GRIK4: variants seen among roughly 807,000 people sequenced by gnomAD.
The protein encoded by GRIK4 is glutamate ionotropic receptor kainate type subunit 4, also known as glutamate receptor ionotropic, kainate 4.
In GRIK4, 40 loss-of-function variants were observed where a neutral mutation model predicts 104.9. The ratio of observed to expected loss-of-function variants is 0.38; its 90% CI spans 0.30 to 0.50. The LOEUF (loss-of-function observed/expected upper bound fraction) is 0.50. Ranked by LOEUF, GRIK4 falls within the 20% of genes least tolerant of loss-of-function variation. The probability of loss-of-function intolerance (pLI) is 0.93; values close to 1 mark genes in which losing one functional copy is unlikely to be tolerated. For synonymous variants in GRIK4, 485 were observed against 524.9 expected (o/e 0.92, Z 1.04); for missense variants, 1,047 against 1,308.1 (o/e 0.80, Z 3.08).
In GRIK4 at chr11:120,819,377, A is replaced by G. The variant is rs57940959; in HGVS notation, c.346-378A>G. Among the ~76,000 whole-genome samples, 8,082 of 152,282 alleles carry G rather than the reference A, an allele frequency of 0.053. 720 individuals are homozygous for G. Among genetic ancestry groups the G allele is most frequent in the African/African-American group, 0.18 (7,520 of 41,528 alleles). On this transcript the variant is annotated intron_variant, in intron 5 of 20. Coordinates refer to ENST00000527524, the MANE Select transcript of GRIK4 (RefSeq NM_014619.5). This position sits in a 1 kb window ranked among gnomAD's most constrained non-coding sequence, Gnocchi z 4.3. ...CTGCTCTGATGTATTAACTACAAAT[A>G]AAATATTCTAAGGATTATGCTTTCA...
At chr11:120,617,288 T>A (rs1222563446) in intron 1 of GRIK4, among the ~76,000 whole-genome samples, 1 of 152,246 alleles carries the variant, frequency 6.6e-6, no homozygotes, top group Non-Finnish European at 1.5e-5. Context: ...AGGTGGTTAA[T>A]AAATAATGGT....
chr11:120,527,519 G>A (rs1218634488), intron 1 of GRIK4, among the ~76,000 whole-genome samples: 1 of 152,210 alleles, frequency 6.6e-6, no homozygotes, highest in Non-Finnish European at 1.5e-5. Flanking sequence ...CCTGGAGCCC[G>A]TGCTGGGGAT....
intron 3 of GRIK4, among the ~76,000 whole-genome samples, chr11:120,776,927 A>T (rs111484855): frequency 4.6e-5 from 7 of 152,114 alleles, no homozygotes; most frequent in African/African-American, 1.2e-4. Flanking sequence ...GCAACATCCC[A>T]TGATTTCTGC....
At chr11:120,667,507 C>T (rs1487104184) in intron 3 of GRIK4, among the ~76,000 whole-genome samples, 1 of 152,256 alleles carries the variant, frequency 6.6e-6, no homozygotes. Flanking sequence ...CACAGCCTCG[C>T]GGCTCGTCAG....
In GRIK4 at chr11:120,967,350, C is replaced by G; in HGVS notation, c.2395+27C>G. The stretch of plus-strand genomic sequence containing the variant: ...TAAGGACGTTCAGGGCCATCCTCCT[C>G]CTGCCCTAGAGGACCAAAGTAGCTT... On this transcript the variant is annotated intron_variant, in intron 19 of 20. Coordinates refer to ENST00000527524, the MANE Select transcript of GRIK4 (RefSeq NM_014619.5). This position sits in a 1 kb window ranked among gnomAD's most constrained non-coding sequence, Gnocchi z 4.2. 1 of 1,597,734 alleles carries G rather than the reference C, an allele frequency of 6.3e-7. No individual in the cohort carries two copies. Among genetic ancestry groups the G allele is most frequent in the Non-Finnish European group, 8.5e-7 (1 of 1,171,956 alleles).
chr11:120,886,457 G>A (rs758921646), intron 11 of GRIK4, among the ~76,000 whole-genome samples: 7 of 152,300 alleles, frequency 4.6e-5, no homozygotes, highest in Middle Eastern at 3.4e-3. Flanking sequence ...CTGAGTGAGC[G>A]TGCTGTTGTT....
intron 7 of GRIK4, among the ~76,000 whole-genome samples, chr11:120,834,354 T>C (rs4936559): frequency 0.32 from 48,541 of 151,458 alleles, 8,636 homozygotes; most frequent in East Asian, 0.49. Flanking sequence ...TATTAGCAAA[T>C]GGTTCTGCTC....
intron 3 of GRIK4, among the ~76,000 whole-genome samples, chr11:120,734,772 T>A (rs1951193359): frequency 6.6e-6 from 1 of 152,188 alleles, no homozygotes; most frequent in South Asian, 2.1e-4. Context: ...GTCTTCAGGC[T>A]CACTAATTCC....
chr11:120,626,144 G>A (rs1206855519), intron 1 of GRIK4, among the ~76,000 whole-genome samples: 1 of 152,168 alleles, frequency 6.6e-6, no homozygotes, highest in Non-Finnish European at 1.5e-5. Context: ...TTGATTTGGG[G>A]AGTCACATAA....
At chr11:120,668,785 C>T (rs1949966065) in intron 3 of GRIK4, among the ~76,000 whole-genome samples, 1 of 152,184 alleles carries the variant, frequency 6.6e-6, no homozygotes, top group Non-Finnish European at 1.5e-5. Context: ...CTGAGCTCCA[C>T]CCTTTACTAG....
chr11:120,512,372 C>T (rs947895918), intron 1 of GRIK4, among the ~76,000 whole-genome samples: 4 of 151,826 alleles, frequency 2.6e-5, no homozygotes, highest in Non-Finnish European at 4.4e-5. Flanking sequence ...CTGCAGCCCC[C>T]CATCCCGGCT....
In GRIK4 at chr11:120,946,395, G is replaced by A. The variant is rs566370062; in HGVS notation, c.1590+5935G>A. 2.7e-3 allele frequency among the ~76,000 whole-genome samples: 412 copies of A among 152,252 alleles called. 5 individuals carry two copies. Among genetic ancestry groups the A allele is most frequent in the African/African-American group, 9.4e-3 (392 of 41,552 alleles). Reference sequence around the variant, plus strand: ...GTTCGTTGTTGCTGGGTGCAGTGGCGCATGCCTGTAATCCCAGCCACTTTG... The same window carrying A: ...GTTCGTTGTTGCTGGGTGCAGTGGCACATGCCTGTAATCCCAGCCACTTTG... On this transcript the variant is annotated intron_variant, in intron 14 of 20. Transcript: ENST00000527524.
intron 1 of GRIK4, among the ~76,000 whole-genome samples, chr11:120,529,136 G>A (rs553055705): frequency 2.1e-5 from 3 of 145,358 alleles, no homozygotes; most frequent in South Asian, 2.2e-4. Context: ...CCCCCACCCC[G>A]ACCCTCATGT....
intron 1 of GRIK4, among the ~76,000 whole-genome samples, chr11:120,649,160 C>T (rs900610021): frequency 2.6e-5 from 4 of 152,154 alleles, no homozygotes; most frequent in Admixed American, 6.5e-5. Context: ...AGCAGGACAC[C>T]GCTCACGTTG....
intron 3 of GRIK4, among the ~76,000 whole-genome samples, chr11:120,738,015 G>C (rs1951257754): frequency 6.6e-6 from 1 of 152,186 alleles, no homozygotes; most frequent in Non-Finnish European, 1.5e-5. Context: ...ATTTGGGAGA[G>C]AGGATAGATA....
At chr11:120,566,950 G>A (rs888596344) in intron 1 of GRIK4, among the ~76,000 whole-genome samples, 3 of 147,288 alleles carry the variant, frequency 2.0e-5, no homozygotes, top group Non-Finnish European at 1.5e-5. Context: ...CTCGTGTTCC[G>A]CCCACCTCGG....
At chr11:120,913,569 C>G (rs1943044017) in intron 13 of GRIK4, among the ~76,000 whole-genome samples, 1 of 151,566 alleles carries the variant, frequency 6.6e-6, no homozygotes, top group African/African-American at 2.4e-5. Flanking sequence ...AACAAAGTAC[C>G]CCGTTGGCAT....
chr11:120,760,593 C>T (rs931185370), intron 3 of GRIK4, among the ~76,000 whole-genome samples: 3 of 152,190 alleles, frequency 2.0e-5, no homozygotes, highest in East Asian at 1.9e-4. Context: ...CTATCCCTCA[C>T]CTAGACTCCC....
intron 3 of GRIK4, among the ~76,000 whole-genome samples, chr11:120,664,424 T>A (rs1323105211): frequency 7.2e-5 from 11 of 152,226 alleles, no homozygotes; most frequent in African/African-American, 1.9e-4. Context: ...CTACCAATAA[T>A]AATCAAAATA....
Sources: allele counts gnomAD v4.1 joint callset (sites outside exome capture counted in the v4.1 genomes callset), GRCh38; gene constraint gnomAD v4.1.1; non-coding constraint Gnocchi (gnomAD v3.1); transcripts MANE v1.5; gene names NCBI Gene and HGNC (gene_info 2026-07-23, HGNC 2026-07-21).